The following OSBPL10 variants were observed in gnomAD, a reference collection of about 807,000 sequenced individuals.
OSBPL10 encodes the protein oxysterol binding protein like 10.
In OSBPL10, 49 loss-of-function variants were observed where a neutral mutation model predicts 81.7. The observed-to-expected ratio is 0.60, with a 90% confidence interval of 0.48 to 0.76. The LOEUF is 0.76. Among genes scored for constraint, OSBPL10 ranks in the 30% least tolerant of loss-of-function variants. The pLI, the probability that OSBPL10 is intolerant of heterozygous loss-of-function variation, is 0.00. For synonymous variants in OSBPL10, 419 were observed against 383.6 expected (o/e 1.09, Z -1.08); for missense variants, 923 against 987.8 (o/e 0.93, Z 0.88).
In OSBPL10 at chr3:31,900,177, C is replaced by T. The variant is rs144826862; in HGVS notation, c.282-20347G>A. Among the ~76,000 whole-genome samples the T allele has an allele frequency of 1.9e-3, 289 of 151,744 alleles. 2 individuals carry two copies. Among genetic ancestry groups the T allele is most frequent in the African/African-American group, 6.3e-3 (262 of 41,412 alleles). ...TAGCTGGGACTACAGGCACACGCCA[C>T]CATGCCAGGCTAATTTTTGTGGGTT... is the stretch of plus-strand genomic sequence containing the variant. On this transcript the variant is annotated intron_variant, in intron 1 of 11. Transcript: ENST00000396556.
intron 1 of OSBPL10, among the ~76,000 whole-genome samples, chr3:31,970,911 G>A (rs887557127): frequency 3.3e-5 from 5 of 152,094 alleles, no homozygotes; most frequent in African/African-American, 9.7e-5. Flanking sequence ...CCAAACATTT[G>A]TACTCACAGA....
intron 4 of OSBPL10, among the ~76,000 whole-genome samples, chr3:31,762,630 A>ATTTCTTTTTTTTTTTTTTTTTTT (rs1698080481): frequency 1.6e-5 from 1 of 61,514 alleles, no homozygotes; most frequent in African/African-American, 8.0e-5. Flanking sequence ...CATGCCCAGC[A>ATTTCTTTTTTTTTTTTTTTTTTT]TTTTTTTTTT....
intron 4 of OSBPL10, among the ~76,000 whole-genome samples, chr3:31,776,714 C>T (rs563049394): frequency 3.9e-5 from 6 of 152,226 alleles, no homozygotes; most frequent in African/African-American, 1.4e-4. Flanking sequence ...TTCTATGATT[C>T]CATTTACATG....
At chr3:32,057,394 A>G (rs1184265262) in intron 1 of OSBPL10, among the ~76,000 whole-genome samples, 5 of 152,152 alleles carry the variant, frequency 3.3e-5, no homozygotes, top group Non-Finnish European at 7.3e-5. Flanking sequence ...ATCTACTTGT[A>G]TTAGTCCATT....
chr3:31,803,517 G>T (rs778916418), intron 4 of OSBPL10, among the ~76,000 whole-genome samples: 7 of 152,200 alleles, frequency 4.6e-5, no homozygotes, highest in Non-Finnish European at 1.0e-4. Context: ...TTACAGAGAT[G>T]TTGCAAAAAT....
intron 1 of OSBPL10, among the ~76,000 whole-genome samples, chr3:32,053,700 G>T (rs1699685319): frequency 6.6e-6 from 1 of 152,142 alleles, no homozygotes; most frequent in Admixed American, 6.6e-5. Flanking sequence ...TGAGGATGGT[G>T]CTGTGGCTCA....
intron 4 of OSBPL10, among the ~76,000 whole-genome samples, chr3:31,765,674 T>C (rs1698174473): frequency 6.6e-6 from 1 of 152,164 alleles, no homozygotes; most frequent in Non-Finnish European, 1.5e-5. Flanking sequence ...TGACAGCCAG[T>C]GGGACTTTAA....
chr3:31,683,691 C>T lies in OSBPL10; in HGVS notation c.1669G>A (p.Val557Ile). 1 of 1,614,200 alleles carries T rather than the reference C, an allele frequency of 6.2e-7. No individual in the cohort carries two copies. Among genetic ancestry groups the T allele is most frequent in the Non-Finnish European group, 8.5e-7 (1 of 1,180,042 alleles). The change falls in exon 8 of 12, where the codon GTA becomes ATA. Residue 557 changes from valine (V) to isoleucine (I), a missense_variant. Physicochemically the swap from Val to Ile is conservative, Grantham distance 29 (BLOSUM62 3). Around this residue, in one of 3 missense-constraint regions of OSBPL10, gnomAD observed 387 missense variants for 436.3 expected, o/e 0.89. Coordinates refer to ENST00000396556, the MANE Select transcript of OSBPL10 (RefSeq NM_017784.5). ...EEKRLCVNTH[V>I]WTKSKFMGMS... ...CCCATGAACTTGCTTTTGGTCCATACATGAGTGTTGACGCACAGTCTCTTC... is the reference window on the plus strand; with the variant it reads ...CCCATGAACTTGCTTTTGGTCCATATATGAGTGTTGACGCACAGTCTCTTC...
At chr3:32,072,504 C>T (rs762390120) in intron 1 of OSBPL10, among the ~76,000 whole-genome samples, 3 of 152,230 alleles carry the variant, frequency 2.0e-5, no homozygotes, top group Non-Finnish European at 4.4e-5. Flanking sequence ...TCCAGCCTCA[C>T]AGGCCCATTC....
At position 31,687,788 on chromosome 3, in the gene OSBPL10, G is replaced by A. The variant is rs768410500; in HGVS notation, c.1246-3674C>T. 3.9e-4 allele frequency among the ~76,000 whole-genome samples: 59 copies of A among 152,216 alleles called. 1 individual carries two copies. Among genetic ancestry groups the A allele is most frequent in the Admixed American group, 8.5e-4 (13 of 15,302 alleles). On this transcript the variant is annotated intron_variant, in intron 7 of 11. Transcript: ENST00000396556. Reference sequence around the variant, plus strand: ...TGCTGTCATGGATTAAGAAGAGGGGGAAGAGCCAGGTATGGTGCCTTGTGC... The same window carrying A: ...TGCTGTCATGGATTAAGAAGAGGGGAAAGAGCCAGGTATGGTGCCTTGTGC...
At chr3:32,010,732 C>G (rs1035926088) in intron 2 of OSBPL10, among the ~76,000 whole-genome samples, 7 of 152,178 alleles carry the variant, frequency 4.6e-5, no homozygotes, top group African/African-American at 1.7e-4. Context: ...AAAATCAGGT[C>G]ACTCCCACCC....
intron 1 of OSBPL10, among the ~76,000 whole-genome samples, chr3:31,959,555 G>C (rs1346183229): frequency 6.6e-6 from 1 of 152,144 alleles, no homozygotes; most frequent in Non-Finnish European, 1.5e-5. Context: ...TAATACATAA[G>C]CCAGAACATC....
intron 6 of OSBPL10, among the ~76,000 whole-genome samples, chr3:31,720,485 G>A (rs180775522): frequency 7.2e-5 from 11 of 152,332 alleles, no homozygotes; most frequent in Admixed American, 7.2e-4. Context: ...CTCAACAGGA[G>A]CAATAGAACA....
intron 1 of OSBPL10, among the ~76,000 whole-genome samples, chr3:32,066,013 G>A (rs954546683): frequency 1.5e-5 from 1 of 65,848 alleles, no homozygotes; most frequent in Non-Finnish European, 4.0e-5. Flanking sequence ...GAAAGAGAAA[G>A]AAAGAAAGAA....
At position 31,664,164 on chromosome 3, in the gene OSBPL10, C is replaced by T. The variant is rs749477578; in HGVS notation, c.2165G>A (p.Arg722Gln). The part of the protein sequence containing the change: ...GDIDAATEQK[R>Q]HLEEKQRVEE... Reference sequence around the variant, plus strand: ...CACCCGTTGCTTCTCCTCCAGGTGCCGCTTCTGCTCGGTGGCTGCGTCAAT... The same window carrying T: ...CACCCGTTGCTTCTCCTCCAGGTGCTGCTTCTGCTCGGTGGCTGCGTCAAT... The change falls in exon 11 of 12, where the codon CGG (arginine) becomes CAG (glutamine). Residue 722 changes from arginine to glutamine, a missense_variant. This residue lies in a region of OSBPL10 where 387 missense variants were observed against 436.3 expected (regional missense o/e 0.89). Transcript: ENST00000396556. 1.4e-5 allele frequency: 22 copies of T among 1,613,536 alleles called. No individual in the cohort carries two copies. Among genetic ancestry groups the T allele is most frequent in the Admixed American group, 1.7e-5 (1 of 60,004 alleles).
At chr3:31,860,237 A>ACAGTCAC (rs1289372216) in intron 3 of OSBPL10, among the ~76,000 whole-genome samples, 1 of 152,214 alleles carries the variant, frequency 6.6e-6, no homozygotes, top group Non-Finnish European at 1.5e-5. Flanking sequence ...TGCACGAAGC[A>ACAGTCAC]CAGTCACCAG....
At chr3:32,055,850 A>G (rs1699706676) in intron 1 of OSBPL10, among the ~76,000 whole-genome samples, 1 of 152,162 alleles carries the variant, frequency 6.6e-6, no homozygotes, top group Non-Finnish European at 1.5e-5. Context: ...CAGGAGCCCC[A>G]AGTTATCTTG....
At chr3:31,866,376 A>G (rs1410843818) in intron 3 of OSBPL10, among the ~76,000 whole-genome samples, 11 of 152,112 alleles carry the variant, frequency 7.2e-5, no homozygotes, top group Admixed American at 2.0e-4. Context: ...CAACCTATCC[A>G]CACACTCCTG....
intron 5 of OSBPL10, among the ~76,000 whole-genome samples, chr3:31,745,673 C>T (rs1697497041): frequency 1.3e-5 from 2 of 152,168 alleles, no homozygotes; most frequent in African/African-American, 4.8e-5. Flanking sequence ...TGCCACTTAG[C>T]TGGGTGGTCT....
Sources: gnomAD v4.1 joint callset for allele counts (sites outside exome capture counted in the v4.1 genomes callset) on GRCh38, gnomAD v4.1.1 for gene constraint, gnomAD v4.1.1 regional missense constraint, MANE v1.5 for transcripts, NCBI Gene and HGNC (gene_info 2026-07-23, HGNC 2026-07-21) for gene names.